The following CTBP2 variants were observed in gnomAD, a reference collection of about 807,000 sequenced individuals.
The protein encoded by CTBP2 is C-terminal binding protein 2.
CTBP2 carries 30 observed loss-of-function variants against 80.3 expected under a neutral mutation model. That is an observed-to-expected ratio of 0.37 (90% CI 0.28 to 0.51). CTBP2 has a LOEUF of 0.51. Ranked by LOEUF, CTBP2 falls within the 20% of genes least tolerant of loss-of-function variation. CTBP2 has a pLI of 0.93. For missense variants in CTBP2, 1,212 were observed against 1,375.3 expected (o/e 0.88, Z 1.88); for synonymous variants, 594 against 587.4 (o/e 1.01, Z -0.16).
chr10:124,991,903 G>C (rs112057561), intron 8 of CTBP2, among the ~76,000 whole-genome samples: 2 of 142,632 alleles, frequency 1.4e-5, no homozygotes, highest in African/African-American at 5.1e-5. Context: ...TGGGGGGGGG[G>C]GTGTGGGAGA....
In CTBP2 at chr10:125,028,037, A is replaced by G; in HGVS notation, c.-278T>C. The G allele has an allele frequency of 1.4e-6, 1 of 718,910 alleles. No homozygotes were observed. The highest frequency in any genetic ancestry group is 1.9e-6 in the Non-Finnish European group (1 of 524,976). The allele number at this position is 718,910 out of a possible 1,614,324, so 44.5% of individuals were successfully genotyped here. A position where few individuals can be genotyped will look rare whatever the true frequency, so the allele number is the denominator to read the frequency against. ...CAGTCCCGGAGAGGAGGCTGTCCCC[A>G]GCCTGCCAGGTCCCCCTTCCTGGCT... On this transcript the variant is annotated 5_prime_UTR_variant, in exon 1 of 9. Transcript: ENST00000309035.
At chr10:125,144,860 G>C (rs1858462326) in intron 1 of CTBP2, among the ~76,000 whole-genome samples, 1 of 152,170 alleles carries the variant, frequency 6.6e-6, no homozygotes, top group Admixed American at 6.5e-5. Context: ...TTTTCTAGCA[G>C]GTATGCTCTG....
intron 2 of CTBP2, among the ~76,000 whole-genome samples, chr10:125,063,383 A>C (rs1048282752): frequency 6.6e-6 from 1 of 152,166 alleles, no homozygotes; most frequent in East Asian, 1.9e-4. Flanking sequence ...TGGCACCCCG[A>C]TGGGGACTGA....
intron 2 of CTBP2, among the ~76,000 whole-genome samples, chr10:125,062,942 C>T (rs527594405): frequency 1.1e-4 from 16 of 152,374 alleles, no homozygotes; most frequent in African/African-American, 3.6e-4. Context: ...CCTAATGGCC[C>T]CAAGAGAGGC....
intron 8 of CTBP2, among the ~76,000 whole-genome samples, chr10:124,991,692 G>A (rs774321784): frequency 5.3e-5 from 8 of 152,304 alleles, no homozygotes; most frequent in African/African-American, 1.7e-4. Context: ...CAGGGATGCC[G>A]CTGAACGTCC....
chr10:125,089,411 A>G (rs1378399508), intron 2 of CTBP2, among the ~76,000 whole-genome samples: 4 of 152,202 alleles, frequency 2.6e-5, no homozygotes, highest in African/African-American at 9.7e-5. Context: ...TGAACTTCCG[A>G]AGTCACGGTG....
rs748675772 is a variant in CTBP2, at chr10:125,027,725, C to T, written c.35G>A (p.Arg12His). The change falls in exon 1 of 9, where the codon CGT (arginine) becomes CAT (histidine). Residue 12 changes from arginine to histidine, a missense_variant. Arg to His is a conservative substitution (Grantham distance 29). Coordinates refer to ENST00000309035, the MANE Select transcript of CTBP2 (RefSeq NM_022802.3). ...CCCAGCAGCATCCCAGCTCTGAGAA[C>T]GACCAATATTTATATGCCTGCTGGG... The T allele has an allele frequency of 1.5e-5, 24 of 1,607,604 alleles. No homozygotes were observed. The highest frequency in any genetic ancestry group is 2.2e-5 in the East Asian group (1 of 44,688).
At chr10:125,147,118 G>A (rs749274102) in intron 1 of CTBP2, among the ~76,000 whole-genome samples, 15 of 152,206 alleles carry the variant, frequency 9.9e-5, no homozygotes, top group Non-Finnish European at 1.9e-4. Flanking sequence ...GAGGGTGAAG[G>A]GAGCTATGAT....
At position 124,992,098 on chromosome 10, in the gene CTBP2, CTG is replaced by C. The variant is rs1202628806; in HGVS notation, c.2777+595_2777+596del. 9.6e-4 allele frequency among the ~76,000 whole-genome samples: 146 copies of C among 152,136 alleles called. 2 individuals carry two copies. Among genetic ancestry groups the C allele is most frequent in the Non-Finnish European group, 9.1e-4 (62 of 68,006 alleles). ...AGTTGATTGTACTATCCTGAGTTGA[CTG>C]TACCAGAATGCCTTCTGTGGACATA... On this transcript the variant is annotated intron_variant, in intron 8 of 8. Coordinates refer to ENST00000309035, the MANE Select transcript of CTBP2 (RefSeq NM_022802.3).
chr10:125,111,696 A>C (rs771659892), intron 1 of CTBP2, among the ~76,000 whole-genome samples: 13 of 152,248 alleles, frequency 8.5e-5, no homozygotes, highest in Non-Finnish European at 1.6e-4. Context: ...GTGATGCATT[A>C]AACAGAACTC....
At chr10:125,090,864 A>C (rs1016903756) in intron 2 of CTBP2, among the ~76,000 whole-genome samples, 6 of 152,214 alleles carry the variant, frequency 3.9e-5, no homozygotes, top group Non-Finnish European at 5.9e-5. Flanking sequence ...GTCTCCAAGC[A>C]CTGGTCCATG....
chr10:125,006,044 TG>T (rs752059267), intron 1 of CTBP2: 369 of 1,372,330 alleles, frequency 2.7e-4, no homozygotes, highest in Non-Finnish European at 3.3e-4. Flanking sequence ...CATCAGTGCA[TG>T]GATCCGTTAC....
intron 1 of CTBP2, among the ~76,000 whole-genome samples, chr10:125,151,701 CCCGCCCCTGCT>C (rs1859918736): frequency 6.6e-6 from 1 of 152,210 alleles, no homozygotes; most frequent in Non-Finnish European, 1.5e-5. Context: ...CAACCAGGTC[CCCGCCCCTGCT>C]CTGAGCCTCG....
intron 4 of CTBP2, among the ~76,000 whole-genome samples, chr10:124,995,784 G>C (rs910758116): frequency 6.6e-6 from 1 of 152,200 alleles, no homozygotes; most frequent in Non-Finnish European, 1.5e-5. Flanking sequence ...ACGGTGGCAG[G>C]GACGGAGTGA....
intron 3 of CTBP2, among the ~76,000 whole-genome samples, chr10:125,036,668 G>GTGTGT (rs1958907089): frequency 1.7e-5 from 2 of 119,282 alleles, no homozygotes; most frequent in East Asian, 2.2e-4. Context: ...AGCTAGAGGG[G>GTGTGT]GTGTGTGTGT....
chr10:125,049,081 A>ACACACACACACACACACACACACACACC (rs1962049936), intron 2 of CTBP2, among the ~76,000 whole-genome samples: 1 of 135,660 alleles, frequency 7.4e-6, no homozygotes. Context: ...ACACACACAC[A>ACACACACACACACACACACACACACACC]CACACACACA....
chr10:125,008,803 T>G (rs1955539963), intron 1 of CTBP2, among the ~76,000 whole-genome samples: 1 of 152,270 alleles, frequency 6.6e-6, no homozygotes, highest in African/African-American at 2.4e-5. Context: ...CTAGCCGTAA[T>G]AAGGAAATCA....
In CTBP2 at chr10:125,026,502, T is replaced by C. The variant is rs1474590896; in HGVS notation, c.1258A>G (p.Thr420Ala). Residue 420 changes from threonine to alanine, a missense_variant, in exon 1 of 9, where the codon ACC becomes GCC. Thr to Ala is a moderately conservative substitution (Grantham distance 58). This residue lies in a region of CTBP2 where 848 missense variants were observed against 782.3 expected (regional missense o/e 1.08). Coordinates refer to ENST00000309035, the MANE Select transcript of CTBP2 (RefSeq NM_022802.3). ...GTGCCCACGCCAGGGGCAGAATAGG[T>C]GGCTGCCGTCTCCAGGAGGTGCTGA... 2.5e-6 allele frequency: 4 copies of C among 1,601,276 alleles called. No individual in the cohort carries two copies. The highest frequency in any genetic ancestry group is 2.2e-5 in the South Asian group (2 of 90,376).
At chr10:125,062,241 G>A (rs1256773202) in intron 2 of CTBP2, among the ~76,000 whole-genome samples, 1 of 148,090 alleles carries the variant, frequency 6.8e-6, no homozygotes, top group Non-Finnish European at 1.5e-5. Flanking sequence ...CCTGAATGGG[G>A]GGACACAGGG....
Sources: gnomAD v4.1 joint callset for allele counts (sites outside exome capture counted in the v4.1 genomes callset) on GRCh38, gnomAD v4.1.1 for gene constraint, gnomAD v4.1.1 regional missense constraint, MANE v1.5 for transcripts, NCBI Gene and HGNC (gene_info 2026-07-23, HGNC 2026-07-21) for gene names.